Variants in SMCHD1 observed in about 807,000 individuals in gnomAD.
SMCHD1 encodes the protein structural maintenance of chromosomes flexible hinge domain containing 1.
A neutral mutation model predicts 254.7 loss-of-function variants in SMCHD1; 78 were observed. The observed-to-expected ratio is 0.31, with a 90% CI of 0.26 to 0.37. The LOEUF (loss-of-function observed/expected upper bound fraction) is 0.37. Ranked by LOEUF, SMCHD1 falls within the 10% of genes least tolerant of loss-of-function variation. The pLI, the probability that SMCHD1 is intolerant of heterozygous loss-of-function variation, is 1.00. For missense variants in SMCHD1, 1,840 were observed against 2,408.1 expected (o/e 0.76, Z 4.94); for synonymous variants, 766 against 794.9 (o/e 0.96, Z 0.61).
intron 42 of SMCHD1, among the ~76,000 whole-genome samples, chr18:2,776,486 G>A (rs2076068336): frequency 6.6e-6 from 1 of 151,910 alleles, no homozygotes; most frequent in Admixed American, 6.6e-5. Context: ...TAGGATTACA[G>A]GTATGAGTCA....
chr18:2,677,321 T>C (rs1346952785), intron 5 of SMCHD1, among the ~76,000 whole-genome samples: 1 of 152,176 alleles, frequency 6.6e-6, no homozygotes, highest in East Asian at 1.9e-4. Context: ...TTTTTCCTAG[T>C]TTTGAAAGTA....
At position 2,688,374 on chromosome 18, in the gene SMCHD1, G is replaced by A. The variant is rs973692034; in HGVS notation, c.639-20G>A. 2.0e-6 allele frequency: 3 copies of A among 1,524,194 alleles called. No individual in the cohort carries two copies. Among genetic ancestry groups the A allele is most frequent in the Non-Finnish European group, 1.8e-6 (2 of 1,098,730 alleles). The allele number at this position is 1,524,194 out of a possible 1,614,324, so 94.4% of individuals were successfully genotyped here. A position where few individuals can be genotyped will look rare whatever the true frequency, so the allele number is the denominator to read the frequency against. ...CTTAACTAGCTTGTTTAAAATCACT[G>A]CATTAATGTTTTATTTTAGTGATCA... On this transcript the variant is annotated intron_variant, in intron 5 of 47. Coordinates refer to ENST00000320876, the MANE Select transcript of SMCHD1 (RefSeq NM_015295.3).
Position 2,740,825 on chromosome 18 carries a change from T to C in SMCHD1, c.3633+4T>C. On this transcript the variant is annotated splice_donor_region_variant and intron_variant, in intron 28 of 47. Coordinates refer to ENST00000320876, the MANE Select transcript of SMCHD1 (RefSeq NM_015295.3). Reference sequence around the variant, plus strand: ...AAATTTGAAAACAACCTTTCAGGTATGGCTACTTTCTATACCATTTTGGTT... The same window carrying C: ...AAATTTGAAAACAACCTTTCAGGTACGGCTACTTTCTATACCATTTTGGTT... The C allele has an allele frequency of 6.4e-7, 1 of 1,550,956 alleles. No homozygotes were observed.
intron 34 of SMCHD1, among the ~76,000 whole-genome samples, chr18:2,758,393 G>A (rs2075722666): frequency 6.6e-6 from 1 of 152,014 alleles, no homozygotes; most frequent in Admixed American, 6.6e-5. Context: ...AGCAGTGCAT[G>A]GATCTTAGAA....
rs17552342 is a variant in SMCHD1, at chr18:2,778,384, C to T, written c.5547+145C>T. 114,667 of 561,140 alleles carry T rather than the reference C, an allele frequency of 0.2. 12,778 individuals are homozygous for T. The highest frequency in any genetic ancestry group is 0.28 in the Admixed American group (8,546 of 30,866). 34.8% of individuals were successfully genotyped at this position (561,140 alleles called of 1,614,324 possible). On this transcript the variant is annotated intron_variant, in intron 44 of 47. Coordinates refer to ENST00000320876, the MANE Select transcript of SMCHD1 (RefSeq NM_015295.3). Reference sequence around the variant, plus strand: ...ATAAGCAACATAAAAGTAGGCAAAACGTAGGAATGAATGGACCAGGATGCA... The same window carrying T: ...ATAAGCAACATAAAAGTAGGCAAAATGTAGGAATGAATGGACCAGGATGCA...
chr18:2,662,448 C>G (rs963512798), intron 1 of SMCHD1, among the ~76,000 whole-genome samples: 1 of 151,456 alleles, frequency 6.6e-6, no homozygotes, highest in African/African-American at 2.4e-5. Context: ...GAGTTTGAGA[C>G]CAGCTGGCCA....
In SMCHD1 at chr18:2,675,262, C is replaced by CTT. The variant is rs35137947; in HGVS notation, c.638+1135_638+1136dup. 2.5e-3 allele frequency among the ~76,000 whole-genome samples: 321 copies of CTT among 129,664 alleles called. 6 individuals are homozygous for CTT. Among genetic ancestry groups the CTT allele is most frequent in the East Asian group, 5.3e-3 (25 of 4,674 alleles). 85.1% of individuals were successfully genotyped at this position (129,664 alleles called of 152,430 possible). A position where few individuals can be genotyped will look rare whatever the true frequency, so the allele number is the denominator to read the frequency against. On this transcript the variant is annotated intron_variant, in intron 5 of 47. Transcript: ENST00000320876. ...ATTACTTCTCATTCCTGACCTCAGC[C>CTT]TTTTTTTTTTTTTTTTTTTGGAGAC...
Position 2,708,907 on chromosome 18 carries a change from T to TATATATATATAAAA in SMCHD1, c.2260+988_2260+989insTATATATATAAAAA, listed in dbSNP as rs769432583. On this transcript the variant is annotated intron_variant, in intron 17 of 47. Coordinates refer to ENST00000320876, the MANE Select transcript of SMCHD1 (RefSeq NM_015295.3). Reference sequence around the variant, plus strand: ...ATATATATATATATATATATATATATAACATATTAACATGAAATTTATGAA... The same window carrying TATATATATATAAAA: ...ATATATATATATATATATATATATATATATATATATAAAAAACATATTAACATGAAATTTATGAA... Among the ~76,000 whole-genome samples the TATATATATATAAAA allele has an allele frequency of 2.6e-3, 114 of 44,702 alleles. 10 individuals are homozygous for TATATATATATAAAA. The highest frequency in any genetic ancestry group is 8.1e-3 in the East Asian group (7 of 864). 29.3% of individuals were successfully genotyped at this position (44,702 alleles called of 152,430 possible).
At chr18:2,724,695 A>G (rs1228349652) in intron 20 of SMCHD1, among the ~76,000 whole-genome samples, 1 of 152,048 alleles carries the variant, frequency 6.6e-6, no homozygotes, top group African/African-American at 2.4e-5. Context: ...TGTTTAACCC[A>G]TTGGTATCAC....
chr18:2,685,757 A>G (rs947938782), intron 5 of SMCHD1, among the ~76,000 whole-genome samples: 1 of 152,192 alleles, frequency 6.6e-6, no homozygotes, highest in African/African-American at 2.4e-5. Context: ...CACTTAGCAT[A>G]ATTTTCGAGG....
chr18:2,715,102 T>C (rs1409505033), intron 17 of SMCHD1, among the ~76,000 whole-genome samples: 1 of 152,186 alleles, frequency 6.6e-6, no homozygotes, highest in Non-Finnish European at 1.5e-5. Flanking sequence ...TGCAGTGTTT[T>C]TGCCTGGCAT....
chr18:2,738,363 C>CT, intron 25 of SMCHD1, 34 bp from the exon 26 acceptor site: 7 of 1,469,400 alleles, frequency 4.8e-6, no homozygotes, highest in Non-Finnish European at 6.4e-6. Context: ...TTAGACGAAG[C>CT]TTTATTATTG....
chr18:2,748,619 T>C (rs1173550014), intron 30 of SMCHD1, among the ~76,000 whole-genome samples: 1 of 151,892 alleles, frequency 6.6e-6, no homozygotes, highest in African/African-American at 2.4e-5. Flanking sequence ...GGTCTCAAAC[T>C]CTTGACCGCG....
At chr18:2,674,259 ATATT>A (rs1357181261) in intron 5 of SMCHD1, 114 bp downstream of exon 5, 5 of 794,488 alleles carry the variant, frequency 6.3e-6, no homozygotes, top group African/African-American at 1.8e-5. Context: ...TGTTATTCAC[ATATT>A]TATTTAGGTT....
At chr18:2,766,775 T>C (rs1015298035) in intron 37 of SMCHD1, among the ~76,000 whole-genome samples, 1 of 152,350 alleles carries the variant, frequency 6.6e-6, no homozygotes, top group South Asian at 2.1e-4. Flanking sequence ...CTGATATGCA[T>C]TTGTTTGTTT....
At chr18:2,763,588 T>G (rs1164692534) in intron 36 of SMCHD1, 49 bp from the exon 37 acceptor site, 3 of 1,416,266 alleles carry the variant, frequency 2.1e-6, no homozygotes. Context: ...TTCTCTGGGT[T>G]TAATCTTCTC....
intron 5 of SMCHD1, among the ~76,000 whole-genome samples, chr18:2,680,077 C>T (rs1323912891): frequency 6.6e-6 from 1 of 152,064 alleles, no homozygotes; most frequent in African/African-American, 2.4e-5. Context: ...CTGATACTCT[C>T]TGTTTGGTGA....
Position 2,728,519 on chromosome 18 carries a change from G to C in SMCHD1, c.2836G>C (p.Ala946Pro). ...AATTTTAGTTATAGAAAATGGAACA[G>C]CTTTCCCATTTCAGGTGGAAGTTTT... ...SEILVIENGT[A>P]FPFQVEVLDE... is the part of the protein sequence containing the mutation. The change falls in exon 23 of 48, where the codon GCT becomes CCT. Residue 946 changes from alanine to proline, a missense_variant. Physicochemically the swap from Ala to Pro is conservative, Grantham distance 27. Transcript: ENST00000320876. 1 of 1,613,178 alleles carries C rather than the reference G, an allele frequency of 6.2e-7. No individual in the cohort carries two copies. Among genetic ancestry groups the C allele is most frequent in the Non-Finnish European group, 8.5e-7 (1 of 1,179,476 alleles).
chr18:2,675,758 C>G (rs1246250713), intron 5 of SMCHD1, among the ~76,000 whole-genome samples: 1 of 152,126 alleles, frequency 6.6e-6, no homozygotes, highest in African/African-American at 2.4e-5. Flanking sequence ...AGAAAAACAT[C>G]AGTTATATCA....
Sources: gnomAD v4.1 joint callset for allele counts (sites outside exome capture counted in the v4.1 genomes callset) on GRCh38, gnomAD v4.1.1 for gene constraint, MANE v1.5 for transcripts, NCBI Gene and HGNC (gene_info 2026-07-23, HGNC 2026-07-21) for gene names.